DLGAP1: variants seen among roughly 807,000 people sequenced by gnomAD.
DLGAP1 encodes disks large-associated protein 1.
A neutral mutation model predicts 90.8 loss-of-function variants in DLGAP1; 11 were observed. The observed-to-expected ratio is 0.12, with a 90% CI of 0.08 to 0.20. The LOEUF is 0.20. DLGAP1 is among the 10% of genes least tolerant of loss of function. The pLI, the probability that DLGAP1 is intolerant of heterozygous loss-of-function variation, is 1.00. For synonymous variants in DLGAP1, 558 were observed against 540.7 expected, an observed-to-expected ratio of 1.03 and a Z score of -0.44; for missense variants, 1,050 against 1,333.8, an observed-to-expected ratio of 0.79 and a Z score of 3.31.
chr18:3,912,668 G>A (rs914636543), intron 3 of DLGAP1, among the ~76,000 whole-genome samples: 9 of 152,112 alleles, frequency 5.9e-5, no homozygotes, highest in Non-Finnish European at 1.3e-4. Flanking sequence ...AGGTGATAGG[G>A]GCGTGCCTCT....
intron 1 of DLGAP1, among the ~76,000 whole-genome samples, chr18:4,163,134 A>G (rs1448778193): frequency 6.6e-6 from 1 of 152,192 alleles, no homozygotes; most frequent in East Asian, 1.9e-4. Flanking sequence ...GTTTAATGTT[A>G]CAAATTCATA....
At chr18:4,336,265 C>A (rs1460124176) in intron 1 of DLGAP1, among the ~76,000 whole-genome samples, 2 of 152,166 alleles carry the variant, frequency 1.3e-5, no homozygotes, top group Non-Finnish European at 2.9e-5. Context: ...TCCAGGTTGA[C>A]CAATCATATT....
chr18:4,292,378 C>A (rs995758330), intron 1 of DLGAP1, among the ~76,000 whole-genome samples: 1 of 151,852 alleles, frequency 6.6e-6, no homozygotes, highest in African/African-American at 2.4e-5. Flanking sequence ...GCCACAGCTA[C>A]CAAGTTTTTT....
intron 9 of DLGAP1, among the ~76,000 whole-genome samples, chr18:3,539,007 G>A (rs988554978): frequency 6.6e-6 from 1 of 152,222 alleles, no homozygotes; most frequent in African/African-American, 2.4e-5. Flanking sequence ...AATTAAAATG[G>A]TTTGGGATTA....
At chr18:3,610,726 C>G (rs962422631) in intron 7 of DLGAP1, among the ~76,000 whole-genome samples, 2 of 151,824 alleles carry the variant, frequency 1.3e-5, no homozygotes, top group African/African-American at 4.8e-5. Context: ...GTAATCCCAG[C>G]TACTTGGGAG....
At chr18:3,857,930 T>C (rs2069751268) in intron 4 of DLGAP1, among the ~76,000 whole-genome samples, 1 of 152,194 alleles carries the variant, frequency 6.6e-6, no homozygotes, top group African/African-American at 2.4e-5. Flanking sequence ...CAAGATACAG[T>C]AGAAAGGTGT....
intron 2 of DLGAP1, among the ~76,000 whole-genome samples, chr18:4,014,610 C>G (rs1479611183): frequency 1.3e-5 from 2 of 152,134 alleles, no homozygotes; most frequent in Non-Finnish European, 2.9e-5. Context: ...CTCAATTACT[C>G]TGATTTGATC....
intron 1 of DLGAP1, among the ~76,000 whole-genome samples, chr18:4,190,655 TACA>T (rs2077379685): frequency 6.6e-6 from 1 of 152,158 alleles, no homozygotes; most frequent in Non-Finnish European, 1.5e-5. Context: ...GTACTTTCTA[TACA>T]ACTTTTCTGT....
At chr18:3,746,131 T>C (rs1461982222) in intron 5 of DLGAP1, among the ~76,000 whole-genome samples, 2 of 152,186 alleles carry the variant, frequency 1.3e-5, no homozygotes, top group Non-Finnish European at 2.9e-5. Flanking sequence ...GCAGTTGGAA[T>C]AGGCAAGGAA....
chr18:3,577,185 G>A (rs1486079084), intron 8 of DLGAP1, among the ~76,000 whole-genome samples: 3 of 151,824 alleles, frequency 2.0e-5, no homozygotes, highest in African/African-American at 7.3e-5. Flanking sequence ...AACAGCCCAT[G>A]CACCAGCTGC....
intron 1 of DLGAP1, among the ~76,000 whole-genome samples, chr18:4,154,017 C>T (rs1174804977): frequency 9.9e-5 from 15 of 152,138 alleles, no homozygotes; most frequent in Admixed American, 9.8e-4. Flanking sequence ...TCATCTGCCT[C>T]CTGCTCCCTC....
chr18:3,529,681 A>G (rs1210079442), intron 10 of DLGAP1, among the ~76,000 whole-genome samples: 1 of 152,196 alleles, frequency 6.6e-6, no homozygotes, highest in Admixed American at 6.5e-5. Flanking sequence ...ATCGGTTATT[A>G]TAAAATAATG....
chr18:3,706,734 G>T (rs1463333295), intron 7 of DLGAP1, among the ~76,000 whole-genome samples: 2 of 152,084 alleles, frequency 1.3e-5, no homozygotes, highest in Non-Finnish European at 2.9e-5. Flanking sequence ...ATGACAGAAT[G>T]ATCTGATACA....
At position 4,390,944 on chromosome 18, in the gene DLGAP1, C is replaced by A. The variant is rs192512254; in HGVS notation, c.-267+64062G>T. 6.0e-4 allele frequency among the ~76,000 whole-genome samples: 92 copies of A among 152,314 alleles called. 1 individual carries two copies. The highest frequency in any genetic ancestry group is 1.7e-3 in the South Asian group (8 of 4,826). ...TGGGCCTGCTCCATCAGCCTGCGCTCATCTTGGAAGAAAGAAGCTTGGTAC... is the reference window on the plus strand; with the variant it reads ...TGGGCCTGCTCCATCAGCCTGCGCTAATCTTGGAAGAAAGAAGCTTGGTAC... On this transcript the variant is annotated intron_variant, in intron 1 of 12. Coordinates refer to ENST00000315677, the MANE Select transcript of DLGAP1 (RefSeq NM_004746.4).
intron 2 of DLGAP1, among the ~76,000 whole-genome samples, chr18:4,005,897 A>G: frequency 6.6e-6 from 1 of 152,214 alleles, no homozygotes; most frequent in South Asian, 2.1e-4. Flanking sequence ...ATGCCTAGGA[A>G]CCCTTTTGTA....
At chr18:4,380,199 T>C (rs2082087785) in intron 1 of DLGAP1, among the ~76,000 whole-genome samples, 1 of 152,154 alleles carries the variant, frequency 6.6e-6, no homozygotes, top group South Asian at 2.1e-4. Flanking sequence ...AACATACACT[T>C]CTTGATGATT....
chr18:4,028,280 T>G (rs141025196), intron 2 of DLGAP1, among the ~76,000 whole-genome samples: 191 of 152,364 alleles, frequency 1.3e-3, no homozygotes, highest in African/African-American at 4.4e-3. Context: ...TGTAACTCTA[T>G]GCAAAGCATA....
At chr18:3,881,978 A>T (rs2071184444) in intron 3 of DLGAP1, among the ~76,000 whole-genome samples, 1 of 152,230 alleles carries the variant, frequency 6.6e-6, no homozygotes. Context: ...TATCTTTAGG[A>T]TATCTCTGTC....
intron 7 of DLGAP1, among the ~76,000 whole-genome samples, chr18:3,624,875 C>T (rs2058234275): frequency 1.3e-5 from 2 of 152,112 alleles, no homozygotes; most frequent in Non-Finnish European, 2.9e-5. Flanking sequence ...ACCACTAAGA[C>T]CCACCCAGGT....
Sources: allele counts gnomAD v4.1 joint callset (sites outside exome capture counted in the v4.1 genomes callset), GRCh38; gene constraint gnomAD v4.1.1; transcripts MANE v1.5; gene names NCBI Gene and HGNC (gene_info 2026-07-23, HGNC 2026-07-21).